SORCS2: variants seen among roughly 807,000 people sequenced by gnomAD.
SORCS2 encodes VPS10 domain-containing receptor SorCS2.
SORCS2 carries 100 observed loss-of-function variants against 141.6 expected under a neutral mutation model. That is an observed-to-expected ratio of 0.71 (90% CI 0.60 to 0.83). The LOEUF (loss-of-function observed/expected upper bound fraction) is 0.83, where lower values mean the gene tolerates loss of function less well. Ranked by LOEUF, SORCS2 falls within the 40% of genes least tolerant of loss-of-function variation. The pLI is 0.00. For missense variants in SORCS2, 1,646 were observed against 1,560.2 expected, an observed-to-expected ratio of 1.05 and a Z score of -0.93; for synonymous variants, 789 against 676.9, an observed-to-expected ratio of 1.17 and a Z score of -2.57.
intron 11 of SORCS2, among the ~76,000 whole-genome samples, chr4:7,693,510 A>G (rs1478251437): frequency 1.3e-5 from 2 of 152,170 alleles, no homozygotes; most frequent in South Asian, 4.1e-4. Flanking sequence ...GCCCCAGGTG[A>G]TTATGGAGCC....
chr4:7,432,750 C>T (rs966721620), intron 2 of SORCS2: 1 of 152,324 alleles, frequency 6.6e-6, no homozygotes, highest in African/African-American at 2.4e-5. Context: ...AGACCTCTCC[C>T]CGGAAATGTC....
chr4:7,302,790 C>T (rs12511180), intron 1 of SORCS2, among the ~76,000 whole-genome samples: 117,085 of 147,128 alleles, frequency 0.8, 48,227 homozygotes, highest in Non-Finnish European at 0.91. Flanking sequence ...TGTGTGTGTG[C>T]GCGCGCGTGT....
At chr4:7,392,282 A>G (rs1723915065) in intron 1 of SORCS2, among the ~76,000 whole-genome samples, 1 of 149,936 alleles carries the variant, frequency 6.7e-6, no homozygotes, top group South Asian at 2.1e-4. Flanking sequence ...CTGGGCCTCC[A>G]GGACAGGGCA....
intron 3 of SORCS2, among the ~76,000 whole-genome samples, chr4:7,533,842 G>C (rs1711867603): frequency 6.6e-6 from 1 of 152,206 alleles, no homozygotes; most frequent in Non-Finnish European, 1.5e-5. Flanking sequence ...CAGGTGGAAG[G>C]GCCCATGAGA....
intron 2 of SORCS2, among the ~76,000 whole-genome samples, chr4:7,516,453 A>G (rs1732986719): frequency 6.6e-6 from 1 of 152,080 alleles, no homozygotes; most frequent in Non-Finnish European, 1.5e-5. Flanking sequence ...GATTTGCACC[A>G]CGTGGGAGGA....
intron 2 of SORCS2, among the ~76,000 whole-genome samples, chr4:7,422,487 T>C (rs565232719): frequency 2.0e-5 from 3 of 152,216 alleles, no homozygotes; most frequent in African/African-American, 7.2e-5. Context: ...GTGTAGGGGC[T>C]GGGGTCTACA....
intron 2 of SORCS2, among the ~76,000 whole-genome samples, chr4:7,403,989 ATATATATATTTTTTTTTT>A (rs1467977433): frequency 1.3e-4 from 1 of 7,764 alleles, no homozygotes; most frequent in Admixed American, 1.3e-3. Context: ...ATATATATAT[ATATATATATTTTTTTTTT>A]TTTTTTAGTA....
At chr4:7,556,646 A>G (rs1714126440) in intron 3 of SORCS2, among the ~76,000 whole-genome samples, 1 of 152,086 alleles carries the variant, frequency 6.6e-6, no homozygotes, top group Non-Finnish European at 1.5e-5. Context: ...CCATGTACCC[A>G]TCTGCCCATC....
At chr4:7,253,850 A>G (rs906646904) in intron 1 of SORCS2, among the ~76,000 whole-genome samples, 1 of 152,258 alleles carries the variant, frequency 6.6e-6, no homozygotes, top group Non-Finnish European at 1.5e-5. Flanking sequence ...CTCTTCCTGC[A>G]GCTAGGTGCT....
At chr4:7,546,089 T>C (rs34030222) in intron 3 of SORCS2, among the ~76,000 whole-genome samples, 21,705 of 152,020 alleles carry the variant, frequency 0.14, 1,574 homozygotes, top group Non-Finnish European at 0.15. Flanking sequence ...CCAAAGGTCC[T>C]GCCTCCAAAT....
intron 3 of SORCS2, among the ~76,000 whole-genome samples, chr4:7,602,658 A>G (rs992848624): frequency 4.0e-4 from 49 of 121,654 alleles, no homozygotes; most frequent in East Asian, 1.8e-3. Flanking sequence ...GGGAAGAGGC[A>G]CTCCTCACTT....
At chr4:7,401,325 G>T (rs77036250) in intron 2 of SORCS2, among the ~76,000 whole-genome samples, 7,418 of 152,148 alleles carry the variant, frequency 0.049, 201 homozygotes, top group East Asian at 0.083. Flanking sequence ...ACAGATGGCT[G>T]GATAAATAGA....
intron 1 of SORCS2, among the ~76,000 whole-genome samples, chr4:7,217,816 G>C (rs1728455321): frequency 6.6e-6 from 1 of 152,234 alleles, no homozygotes; most frequent in Non-Finnish European, 1.5e-5. Context: ...TCCGACCTGT[G>C]GGAGCCGTGG....
At chr4:7,661,249 CT>C (rs1319733686) in intron 5 of SORCS2, among the ~76,000 whole-genome samples, 11 of 92,746 alleles carry the variant, frequency 1.2e-4, no homozygotes, top group African/African-American at 5.2e-4. Flanking sequence ...GATGCAGAGA[CT>C]CCAACCCCCT....
At chr4:7,403,997 A>ATAT (rs1265288820) in intron 2 of SORCS2, among the ~76,000 whole-genome samples, 10 of 18,966 alleles carry the variant, frequency 5.3e-4, no homozygotes, top group African/African-American at 1.5e-3. Flanking sequence ...ATATATATAT[A>ATAT]TTTTTTTTTT....
intron 2 of SORCS2, among the ~76,000 whole-genome samples, chr4:7,407,551 A>G (rs4689732): frequency 0.91 from 138,623 of 152,142 alleles, 64,200 homozygotes; most frequent in East Asian, 1. Context: ...CCAGCCCATC[A>G]CTTTCAGTCT....
chr4:7,535,515 G>T (rs1712047647), intron 3 of SORCS2, among the ~76,000 whole-genome samples: 1 of 152,216 alleles, frequency 6.6e-6, no homozygotes, highest in Non-Finnish European at 1.5e-5. Flanking sequence ...TTCCTCATTG[G>T]TGAAATGGGG....
chr4:7,453,098 G>A (rs550530329), intron 2 of SORCS2, among the ~76,000 whole-genome samples: 5 of 142,576 alleles, frequency 3.5e-5, no homozygotes, highest in African/African-American at 1.3e-4. Context: ...GTTGGGGTCA[G>A]GCACTGTGTT....
At position 7,738,068 on chromosome 4, in the gene SORCS2, C is replaced by T. The variant is rs147256751; in HGVS notation, c.3415+896C>T. Among the ~76,000 whole-genome samples the T allele has an allele frequency of 1.6e-3, 245 of 152,372 alleles. 1 individual carries two copies. Among genetic ancestry groups the T allele is most frequent in the African/African-American group, 5.5e-3 (227 of 41,590 alleles). On this transcript the variant is annotated intron_variant, in intron 26 of 26. Transcript: ENST00000507866. ...GCCTGGCCTTGAAGTCATACGCTGT[C>T]ACTTGTGTCTTGCCCTGTCCATGTT...
Sources: gnomAD v4.1 joint callset for allele counts (sites outside exome capture counted in the v4.1 genomes callset) on GRCh38, gnomAD v4.1.1 for gene constraint, MANE v1.5 for transcripts, NCBI Gene and HGNC (gene_info 2026-07-23, HGNC 2026-07-21) for gene names.